Variants in TMPRSS13 observed in about 807,000 individuals in gnomAD.
TMPRSS13 encodes transmembrane protease serine 13.
A neutral mutation model predicts 68.4 loss-of-function variants in TMPRSS13; 50 were observed. That is an observed-to-expected ratio of 0.73 (90% confidence interval 0.58 to 0.93). The LOEUF (loss-of-function observed/expected upper bound fraction) is 0.93. Among genes scored for constraint, TMPRSS13 ranks in the 40% least tolerant of loss-of-function variants. The pLI, the probability that TMPRSS13 is intolerant of heterozygous loss-of-function variation, is 0.00. For synonymous variants in TMPRSS13, 267 were observed against 285.8 expected (o/e 0.93, Z 0.66); for missense variants, 615 against 729.2 (o/e 0.84, Z 1.80).
At chr11:117,911,902 C>T (rs201042706) in intron 5 of TMPRSS13, 42 bp from the exon 6 acceptor site, 22 of 1,544,122 alleles carry the variant, frequency 1.4e-5, no homozygotes, top group African/African-American at 5.4e-5. Context: ...CCCCTGGAGA[C>T]AGAGTCATCC....
rs756735036 is a variant in TMPRSS13 at position 117,914,353 on chromosome 11, A to G, written c.679+39T>C. The G allele has an allele frequency of 1.9e-6, 3 of 1,609,450 alleles. No individual in the cohort carries two copies. The highest frequency in any genetic ancestry group is 2.5e-6 in the Non-Finnish European group (3 of 1,179,364). On this transcript the variant is annotated intron_variant, in intron 4 of 12. Coordinates refer to ENST00000524993, the MANE Select transcript of TMPRSS13 (RefSeq NM_001077263.3). The surrounding 1 kb of genome is among the most constrained non-coding windows in gnomAD (Gnocchi z 4.2). ...CAAACAGGCACACAAACACATGCAC[A>G]TGCACACGCACGCGCTCCCCCGCAC... is the stretch of plus-strand genomic sequence containing the variant.
chr11:117,923,218 C>G (rs532605478), intron 1 of TMPRSS13, among the ~76,000 whole-genome samples: 1 of 152,356 alleles, frequency 6.6e-6, no homozygotes, highest in South Asian at 2.1e-4. Context: ...GGACTAAACC[C>G]AAGGCCCCCC....
intron 1 of TMPRSS13, among the ~76,000 whole-genome samples, chr11:117,921,577 G>A (rs1055402681): frequency 2.0e-5 from 3 of 152,180 alleles, no homozygotes; most frequent in African/African-American, 7.2e-5. Context: ...CTGTAAAGCT[G>A]GAACAGGAGA....
rs773143605 is a variant in TMPRSS13, at chr11:117,908,738, T to C, written c.1156A>G (p.Ser386Gly). The C allele has an allele frequency of 2.4e-5, 38 of 1,609,504 alleles. No homozygotes were observed. In the Admixed American group the frequency reaches 4.9e-4, roughly 21 times the overall value. ...GCCTCAGGCAACTGGTGCAGGTTGC[T>C]GGTGCCCGCGTACACCTTCCAGCCC... ...LEGWKVYAGT[S>G]NLHQLPEAAS... The change falls in exon 9 of 13, where the codon AGC (serine) becomes GGC (glycine). Residue 386 changes from serine (S) to glycine (G), a missense_variant. By Grantham distance (56) the Ser-to-Gly change is moderately conservative (BLOSUM62 0). Coordinates refer to ENST00000524993, the MANE Select transcript of TMPRSS13 (RefSeq NM_001077263.3).
intron 7 of TMPRSS13, 50 bp downstream of exon 7, chr11:117,910,657 C>G: frequency 3.2e-6 from 5 of 1,569,920 alleles, no homozygotes; most frequent in Non-Finnish European, 4.3e-6. Context: ...CCCCTCTGCC[C>G]TTTACTCCCA....
At position 117,901,341 on chromosome 11, in the gene TMPRSS13, C is replaced by T. The variant is rs529248952; in HGVS notation, c.*898G>A. On this transcript the variant is annotated 3_prime_UTR_variant, in exon 13 of 13. Transcript: ENST00000524993. ...GCCAGCCCAAACAAGGATTTGCTTCCCTGAGTATCTCCTAGGGGCTCCAGA... is the reference window on the plus strand; with the variant it reads ...GCCAGCCCAAACAAGGATTTGCTTCTCTGAGTATCTCCTAGGGGCTCCAGA... 2 of 152,580 alleles carry T rather than the reference C, an allele frequency of 1.3e-5. No homozygotes were observed. Among genetic ancestry groups the T allele is most frequent in the African/African-American group, 2.4e-5 (1 of 41,406 alleles). 9.5% of individuals were successfully genotyped at this position (152,580 alleles called of 1,614,324 possible).
At chr11:117,910,809 C>A in intron 6 of TMPRSS13, 59 bp from the exon 7 acceptor site, 1 of 1,499,724 alleles carries the variant, frequency 6.7e-7, no homozygotes, top group Non-Finnish European at 9.1e-7. Flanking sequence ...CTCCAGGAAG[C>A]CTTCCTGATT....
intron 1 of TMPRSS13, among the ~76,000 whole-genome samples, chr11:117,925,627 C>A (rs1051516810): frequency 6.6e-6 from 1 of 152,050 alleles, no homozygotes; most frequent in African/African-American, 2.4e-5. Context: ...GGAAACCAAC[C>A]CCCATCTGGT....
At chr11:117,911,271 G>A (rs183349514) in intron 6 of TMPRSS13, among the ~76,000 whole-genome samples, 4 of 152,220 alleles carry the variant, frequency 2.6e-5, no homozygotes, top group African/African-American at 7.2e-5. Context: ...TGCTTCCAAC[G>A]TGGCCCTCCC....
In TMPRSS13 at chr11:117,918,914, G is replaced by A. The variant is rs1254710761; in HGVS notation, c.22-76C>T. 27 of 1,579,066 alleles carry A rather than the reference G, an allele frequency of 1.7e-5. No individual in the cohort carries two copies. In the South Asian group the frequency reaches 2.2e-4, roughly 13 times the overall value. On this transcript the variant is annotated intron_variant, in intron 1 of 12. Coordinates refer to ENST00000524993, the MANE Select transcript of TMPRSS13 (RefSeq NM_001077263.3). ...CCCAGCTGTCAGCTGTGCTGCACTAGGAGATGAATGCTCTGGGGCAGCAGC... is the reference window on the plus strand; with the variant it reads ...CCCAGCTGTCAGCTGTGCTGCACTAAGAGATGAATGCTCTGGGGCAGCAGC...
chr11:117,909,505 G>A (rs1398634893), intron 8 of TMPRSS13, among the ~76,000 whole-genome samples: 1 of 152,192 alleles, frequency 6.6e-6, no homozygotes, highest in African/African-American at 2.4e-5. Flanking sequence ...CAAACCCAAC[G>A]CCTTTTTCAT....
chr11:117,923,482 C>A (rs1013914961), intron 1 of TMPRSS13, among the ~76,000 whole-genome samples: 5 of 152,108 alleles, frequency 3.3e-5, no homozygotes, highest in African/African-American at 1.2e-4. Flanking sequence ...GGTTATGGAG[C>A]TGCTGCTGTG....
chr11:117,928,864 G>A (rs1376282265), intron 1 of TMPRSS13, among the ~76,000 whole-genome samples: 1 of 152,192 alleles, frequency 6.6e-6, no homozygotes. Context: ...GTAGTGAGGG[G>A]TTTAGACAAG....
intron 7 of TMPRSS13, among the ~76,000 whole-genome samples, chr11:117,910,332 C>T (rs1386694163): frequency 6.6e-6 from 1 of 152,166 alleles, no homozygotes; most frequent in Non-Finnish European, 1.5e-5. Flanking sequence ...TGGTAAGTCC[C>T]AGGACTGCCA....
chr11:117,920,772 A>G (rs959872736), intron 1 of TMPRSS13, among the ~76,000 whole-genome samples: 2 of 152,140 alleles, frequency 1.3e-5, no homozygotes, highest in Admixed American at 1.3e-4. Context: ...TACAGGCGTG[A>G]GCCACCAGAC....
In TMPRSS13 at chr11:117,918,688, G is replaced by A; in HGVS notation, c.172C>T (p.Gln58Ter). ...GTPPGRASPA[Q>*]ASPAGTPPGR... ...GGAGGTGTACCAGCTGGAGATGCCTGGGCTGGAGATGCCCGGCCCGGAGGT... is the reference window on the plus strand; with the variant it reads ...GGAGGTGTACCAGCTGGAGATGCCTAGGCTGGAGATGCCCGGCCCGGAGGT... The change falls in exon 2 of 13, where the codon CAG becomes TAG. Residue 58 changes from glutamine (Q) to a stop codon, truncating the protein, a stop_gained. Coordinates refer to ENST00000524993, the MANE Select transcript of TMPRSS13 (RefSeq NM_001077263.3). LOFTEE classifies it high-confidence loss of function. The A allele has an allele frequency of 6.2e-7, 1 of 1,603,336 alleles. No homozygotes were observed. Among genetic ancestry groups the A allele is most frequent in the Non-Finnish European group, 8.5e-7 (1 of 1,174,672 alleles).
chr11:117,914,324 T>C lies in TMPRSS13; in HGVS notation c.679+68A>G. ...ACACAGGCATGCATACACACACACA[T>C]ATACAAACAGGCACACAAACACATG... On this transcript the variant is annotated intron_variant, in intron 4 of 12. Coordinates refer to ENST00000524993, the MANE Select transcript of TMPRSS13 (RefSeq NM_001077263.3). The surrounding 1 kb of genome is among the most constrained non-coding windows in gnomAD (Gnocchi z 4.2). 1 of 1,593,832 alleles carries C rather than the reference T, an allele frequency of 6.3e-7. No homozygotes were observed. Among genetic ancestry groups the C allele is most frequent in the Non-Finnish European group, 8.5e-7 (1 of 1,171,670 alleles).
intron 8 of TMPRSS13, among the ~76,000 whole-genome samples, chr11:117,909,552 C>T (rs529961126): frequency 6.6e-6 from 1 of 152,358 alleles, no homozygotes; most frequent in South Asian, 2.1e-4. Flanking sequence ...CCCAGTCCCT[C>T]TTCCTGCCTG....
In TMPRSS13 at chr11:117,905,629, G is replaced by A. The variant is rs752593046; in HGVS notation, c.1381+9C>T. The A allele has an allele frequency of 1.3e-6, 2 of 1,588,110 alleles. No individual in the cohort carries two copies. Among genetic ancestry groups the A allele is most frequent in the Non-Finnish European group, 1.7e-6 (2 of 1,163,886 alleles). On this transcript the variant is annotated intron_variant, in intron 10 of 12. Coordinates refer to ENST00000524993, the MANE Select transcript of TMPRSS13 (RefSeq NM_001077263.3). ...TACATACACACAACCAAGCATCTTTGCCTCTTACCATCTGTCTCCCTGGTC... is the reference window on the plus strand; with the variant it reads ...TACATACACACAACCAAGCATCTTTACCTCTTACCATCTGTCTCCCTGGTC...
Sources: gnomAD v4.1 joint callset for allele counts (sites outside exome capture counted in the v4.1 genomes callset) on GRCh38, gnomAD v4.1.1 for gene constraint, Gnocchi (gnomAD v3.1) non-coding constraint, MANE v1.5 for transcripts, NCBI Gene and HGNC (gene_info 2026-07-23, HGNC 2026-07-21) for gene names.